Variants in FRY observed in about 807,000 individuals in gnomAD.
FRY encodes FRY microtubule binding protein.
Under a neutral mutation model 348.4 loss-of-function variants are expected in FRY, and 128 were observed. The ratio of observed to expected loss-of-function variants is 0.37; its 90% CI spans 0.32 to 0.43. The LOEUF (loss-of-function observed/expected upper bound fraction) is 0.43, where lower values mean the gene tolerates loss of function less well. Among genes scored for constraint, FRY ranks in the 20% least tolerant of loss-of-function variants. The probability of loss-of-function intolerance (pLI) is 1.00; values close to 1 mark genes in which losing one functional copy is unlikely to be tolerated. For missense variants in FRY, 2,736 were observed against 3,695.2 expected (o/e 0.74, Z 6.73); for synonymous variants, 1,370 against 1,374.7 (o/e 1.00, Z 0.08).
chr13:32,037,027 TAC>T (rs63370460), intron 1 of FRY, among the ~76,000 whole-genome samples: 19,661 of 99,336 alleles, frequency 0.2, 1,835 homozygotes, highest in East Asian at 0.64. Flanking sequence ...CTCTCTGTTT[TAC>T]ACACACACAC....
Position 32,083,970 on chromosome 13 carries a change from C to T in FRY, c.270+4937C>T, listed in dbSNP as rs139247470. Among the ~76,000 whole-genome samples the T allele has an allele frequency of 9.9e-5, 15 of 152,272 alleles. No homozygotes were observed. The East Asian group carries it at 2.9e-3, about 29-fold the overall frequency. The stretch of plus-strand genomic sequence containing the variant: ...CTCTCCCTGGATAGCTACTATGCTA[C>T]CTCACTCCCTCCTGTTTTTCCTTTC... On this transcript the variant is annotated intron_variant, in intron 2 of 60. Coordinates refer to ENST00000542859, the MANE Select transcript of FRY (RefSeq NM_023037.3).
In FRY at chr13:32,083,637, A is replaced by C. The variant is rs919907741; in HGVS notation, c.270+4604A>C. ...GCTGTCCGGGGCCAAATATCTGGTT[A>C]CTTTCTGCACCTAGAAGGTGACACA... On this transcript the variant is annotated intron_variant, in intron 2 of 60. Coordinates refer to ENST00000542859, the MANE Select transcript of FRY (RefSeq NM_023037.3). Among the ~76,000 whole-genome samples the C allele has an allele frequency of 1.1e-4, 16 of 152,130 alleles. No homozygotes were observed. The East Asian group carries it at 2.1e-3, about 20-fold the overall frequency.
chr13:32,143,537 C>G (rs760371397), intron 11 of FRY, among the ~76,000 whole-genome samples: 2 of 151,930 alleles, frequency 1.3e-5, no homozygotes, highest in Non-Finnish European at 2.9e-5. Flanking sequence ...ACAGAAGACA[C>G]TAATGTCAAT....
intron 50 of FRY, chr13:32,253,999 G>A (rs572233358): frequency 5.6e-5 from 32 of 575,048 alleles, no homozygotes; most frequent in East Asian, 9.0e-5. Context: ...AAGCAGCGAC[G>A]TGATTCTTGA....
intron 27 of FRY, 28 bp from the exon 28 acceptor site, chr13:32,187,518 C>G (rs761815635): frequency 4.5e-6 from 6 of 1,327,446 alleles, no homozygotes; most frequent in Non-Finnish European, 6.5e-6. Context: ...AGTTTCATTT[C>G]CATGTCTTGT....
chr13:32,125,501 G>A (rs1878964059), intron 7 of FRY, among the ~76,000 whole-genome samples: 1 of 152,108 alleles, frequency 6.6e-6, no homozygotes, highest in Admixed American at 6.5e-5. Flanking sequence ...GCAAGATCCC[G>A]AATGCCTAAG....
chr13:32,184,906 T>C, intron 25 of FRY, 70 bp from the exon 26 acceptor site: 1 of 1,342,414 alleles, frequency 7.4e-7, no homozygotes, highest in South Asian at 1.2e-5. Context: ...TGAATCTTAG[T>C]TTTCATGAAG....
intron 56 of FRY, among the ~76,000 whole-genome samples, chr13:32,275,847 G>A (rs1050745463): frequency 2.0e-5 from 3 of 151,814 alleles, no homozygotes; most frequent in African/African-American, 7.3e-5. Flanking sequence ...CGAGACTGAC[G>A]AGCTCCTGGA....
At chr13:32,273,398 AT>A (rs1328797290) in intron 55 of FRY, among the ~76,000 whole-genome samples, 2 of 150,050 alleles carry the variant, frequency 1.3e-5, no homozygotes, top group South Asian at 2.1e-4. Flanking sequence ...AATTTTTTGT[AT>A]TTTTAGTAGA....
intron 1 of FRY, among the ~76,000 whole-genome samples, chr13:32,051,258 T>C (rs1249386006): frequency 6.6e-6 from 1 of 152,156 alleles, no homozygotes; most frequent in African/African-American, 2.4e-5. Context: ...TTACAAGGTC[T>C]TTGAAGGAGA....
intron 10 of FRY, 62 bp from the exon 11 acceptor site, chr13:32,136,809 T>C (rs1235856367): frequency 9.4e-6 from 9 of 955,354 alleles, no homozygotes; most frequent in Non-Finnish European, 1.6e-5. Context: ...GTACAGAGAA[T>C]GTATGTTACC....
intron 14 of FRY, among the ~76,000 whole-genome samples, chr13:32,155,019 G>T (rs1397370584): frequency 6.6e-6 from 1 of 152,166 alleles, no homozygotes; most frequent in Non-Finnish European, 1.5e-5. Context: ...TTGTAAATCA[G>T]AAGTCAGGAC....
chr13:32,175,478 C>G (rs540179463), intron 19 of FRY, 68 bp from the exon 20 acceptor site: 2 of 945,730 alleles, frequency 2.1e-6, no homozygotes, highest in East Asian at 2.4e-5. Flanking sequence ...ATGTATCAGA[C>G]GAAGGCGGTG....
intron 4 of FRY, among the ~76,000 whole-genome samples, chr13:32,122,623 G>C (rs1410221681): frequency 6.6e-6 from 1 of 152,106 alleles, no homozygotes; most frequent in Non-Finnish European, 1.5e-5. Context: ...CTGAGAACTG[G>C]AACAAGACAA....
chr13:32,074,531 G>T (rs975508911), intron 1 of FRY, among the ~76,000 whole-genome samples: 3 of 152,162 alleles, frequency 2.0e-5, no homozygotes, highest in African/African-American at 7.2e-5. Context: ...CGATAGAAAG[G>T]ACGAAGGAAA....
chr13:32,240,421 G>A (rs1886439718), intron 46 of FRY, among the ~76,000 whole-genome samples: 1 of 152,198 alleles, frequency 6.6e-6, no homozygotes, highest in South Asian at 2.1e-4. Context: ...GGCTTGATAT[G>A]TTTAATGGTT....
chr13:32,265,738 G>A (rs1887891800), intron 54 of FRY, 122 bp downstream of exon 54: 1 of 963,604 alleles, frequency 1.0e-6, no homozygotes, highest in Non-Finnish European at 1.6e-6. Context: ...ACTCCAAAGT[G>A]ACATATATCA....
At chr13:32,158,788 T>G (rs1049063306) in intron 16 of FRY, among the ~76,000 whole-genome samples, 1 of 151,492 alleles carries the variant, frequency 6.6e-6, no homozygotes, top group Non-Finnish European at 1.5e-5. Context: ...CATGGTGGCG[T>G]GCACCTGTAA....
rs1885485415 is a variant in FRY at position 32,224,599 on chromosome 13, C to T, written c.4916+214C>T. On this transcript the variant is annotated intron_variant, in intron 37 of 60. Coordinates refer to ENST00000542859, the MANE Select transcript of FRY (RefSeq NM_023037.3). ...GCTGCCTGTGACCTTTGAATTTCTC[C>T]TTGATGTAATCTGGATATGGGCATG... 2.6e-5 allele frequency among the ~76,000 whole-genome samples: 4 copies of T among 152,158 alleles called. No individual in the cohort carries two copies. The South Asian group carries it at 8.3e-4, about 32-fold the overall frequency.
Sources: gnomAD v4.1 joint callset for allele counts (sites outside exome capture counted in the v4.1 genomes callset) on GRCh38, gnomAD v4.1.1 for gene constraint, MANE v1.5 for transcripts, NCBI Gene and HGNC (gene_info 2026-07-23, HGNC 2026-07-21) for gene names.